The following PRKCE variants were observed in gnomAD, a reference collection of about 807,000 sequenced individuals.
PRKCE encodes protein kinase C epsilon.
PRKCE carries 16 observed loss-of-function variants against 85.4 expected under a neutral mutation model. The observed-to-expected ratio is 0.19, with a 90% confidence interval of 0.13 to 0.28. The LOEUF is 0.28. PRKCE is among the 10% of genes least tolerant of loss of function. The probability of loss-of-function intolerance (pLI) is 1.00; values close to 1 mark genes in which losing one functional copy is unlikely to be tolerated. For missense variants in PRKCE, 573 were observed against 975.2 expected (o/e 0.59, Z 5.49); for synonymous variants, 388 against 371.5 (o/e 1.04, Z -0.51).
In PRKCE at chr2:46,151,182, C is replaced by G; in HGVS notation, c.1873C>G (p.Leu625Val). Residue 625 changes from leucine (L) to valine (V), a missense_variant, in exon 13 of 15, where the codon CTG becomes GTG. This residue lies in a region of PRKCE where 72 missense variants were observed against 166.0 expected (regional missense o/e 0.43). Transcript: ENST00000306156. The part of the protein sequence containing the change: ...LFESILHDDV[L>V]YPVWLSKEAV... ...TGAGTCCATCCTCCATGACGACGTGCTGTACCCAGTCTGGCTCAGCAAGGA... is the reference window on the plus strand; with the variant it reads ...TGAGTCCATCCTCCATGACGACGTGGTGTACCCAGTCTGGCTCAGCAAGGA... 1 of 1,599,500 alleles carries G rather than the reference C, an allele frequency of 6.3e-7. No individual in the cohort carries two copies. The highest frequency in any genetic ancestry group is 1.3e-5 in the African/African-American group (1 of 74,968).
At chr2:45,943,981 A>G (rs979955373) in intron 2 of PRKCE, among the ~76,000 whole-genome samples, 1 of 152,178 alleles carries the variant, frequency 6.6e-6, no homozygotes, top group Non-Finnish European at 1.5e-5. Context: ...TGAGGCATTG[A>G]GCTGTGATGT....
chr2:45,722,383 A>T (rs1230862151), intron 1 of PRKCE, among the ~76,000 whole-genome samples: 1 of 152,114 alleles, frequency 6.6e-6, no homozygotes, highest in East Asian at 1.9e-4. Context: ...CTCTCCTGAG[A>T]GTAAGAGAGT....
intron 2 of PRKCE, among the ~76,000 whole-genome samples, chr2:45,880,977 C>T (rs1270505356): frequency 2.6e-5 from 4 of 151,826 alleles, no homozygotes; most frequent in Admixed American, 6.6e-5. Flanking sequence ...AACGGTGAAA[C>T]CCCGTCTCTA....
intron 1 of PRKCE, among the ~76,000 whole-genome samples, chr2:45,748,306 A>G (rs1002340103): frequency 2.6e-5 from 4 of 152,258 alleles, no homozygotes; most frequent in Admixed American, 6.5e-5. Flanking sequence ...CCAATAATTT[A>G]CTAAGCATTC....
intron 1 of PRKCE, among the ~76,000 whole-genome samples, chr2:45,796,263 G>C (rs1000321288): frequency 1.3e-5 from 2 of 152,198 alleles, no homozygotes; most frequent in African/African-American, 4.8e-5. Context: ...CTAGAGCCAG[G>C]CTGCCTGGCT....
At chr2:45,829,283 C>T (rs950286944) in intron 1 of PRKCE, among the ~76,000 whole-genome samples, 2 of 152,154 alleles carry the variant, frequency 1.3e-5, no homozygotes, top group Non-Finnish European at 2.9e-5. Context: ...TACATTTCGT[C>T]GGCAGCGTAT....
chr2:45,691,875 G>A (rs1268992192), intron 1 of PRKCE, among the ~76,000 whole-genome samples: 1 of 152,210 alleles, frequency 6.6e-6, no homozygotes, highest in Non-Finnish European at 1.5e-5. Flanking sequence ...GAAGCCAGGT[G>A]AAGAGGGTAC....
At chr2:45,687,278 A>G (rs1421905206) in intron 1 of PRKCE, among the ~76,000 whole-genome samples, 3 of 152,226 alleles carry the variant, frequency 2.0e-5, no homozygotes, top group East Asian at 1.9e-4. Flanking sequence ...GAAAAGATCA[A>G]TAACATAATG....
chr2:45,739,179 G>A (rs1467817353), intron 1 of PRKCE, among the ~76,000 whole-genome samples: 2 of 152,224 alleles, frequency 1.3e-5, no homozygotes, highest in East Asian at 1.9e-4. Context: ...TGATACGAGA[G>A]GGTATCTCTC....
At chr2:45,751,809 ATTTTTTT>A (rs34589907) in intron 1 of PRKCE, among the ~76,000 whole-genome samples, 27 of 78,522 alleles carry the variant, frequency 3.4e-4, no homozygotes, top group African/African-American at 1.4e-3. Context: ...GCTAACCACT[ATTTTTTT>A]TTTTTTTTTT....
At chr2:45,943,260 T>C (rs912392967) in intron 2 of PRKCE, among the ~76,000 whole-genome samples, 8 of 152,244 alleles carry the variant, frequency 5.3e-5, no homozygotes, top group Non-Finnish European at 1.2e-4. Context: ...TATTCCTTTA[T>C]TTAAAAAATG....
intron 1 of PRKCE, among the ~76,000 whole-genome samples, chr2:45,714,591 T>G (rs1277750629): frequency 6.6e-6 from 1 of 152,250 alleles, no homozygotes; most frequent in Non-Finnish European, 1.5e-5. Context: ...CTGCTTTCTT[T>G]CCTTGCTTTC....
chr2:45,802,207 G>C (rs909478870), intron 1 of PRKCE, among the ~76,000 whole-genome samples: 1 of 152,174 alleles, frequency 6.6e-6, no homozygotes, highest in African/African-American at 2.4e-5. Context: ...GAAGGCTGCA[G>C]TGAGCTATGA....
At chr2:46,050,824 T>C (rs1708809333) in intron 10 of PRKCE, among the ~76,000 whole-genome samples, 1 of 152,220 alleles carries the variant, frequency 6.6e-6, no homozygotes. Context: ...ATTTCCTTCA[T>C]TCTTGTCAAA....
intron 6 of PRKCE, among the ~76,000 whole-genome samples, chr2:45,998,506 T>C (rs764951595): frequency 7.9e-5 from 12 of 152,228 alleles, no homozygotes; most frequent in Non-Finnish European, 1.5e-4. Context: ...GCATGGTATA[T>C]CTTACTCTAT....
intron 10 of PRKCE, among the ~76,000 whole-genome samples, chr2:46,036,082 C>T (rs926206673): frequency 2.0e-5 from 3 of 152,188 alleles, no homozygotes; most frequent in African/African-American, 4.8e-5. Context: ...GTGGAGGAGC[C>T]GGCCACTCAT....
At chr2:45,923,040 A>C (rs1426776542) in intron 2 of PRKCE, among the ~76,000 whole-genome samples, 1 of 152,178 alleles carries the variant, frequency 6.6e-6, no homozygotes, top group Non-Finnish European at 1.5e-5. Context: ...GAGCCAAATA[A>C]AGGAAAGAAA....
intron 1 of PRKCE, chr2:45,840,665 A>G (rs1691273654): frequency 6.6e-6 from 1 of 152,224 alleles, no homozygotes; most frequent in African/African-American, 2.4e-5. Context: ...CCCACGAGGC[A>G]CTGAAGAGTC....
At chr2:46,150,600 T>C (rs938920398) in intron 12 of PRKCE, among the ~76,000 whole-genome samples, 2 of 152,168 alleles carry the variant, frequency 1.3e-5, no homozygotes, top group African/African-American at 4.8e-5. Flanking sequence ...TGCTCACCTT[T>C]CCACTCAGGC....
Sources: allele counts gnomAD v4.1 joint callset (sites outside exome capture counted in the v4.1 genomes callset), GRCh38; gene constraint gnomAD v4.1.1; regional missense constraint gnomAD v4.1.1; transcripts MANE v1.5; gene names NCBI Gene and HGNC (gene_info 2026-07-23, HGNC 2026-07-21).